The following PTPRT variants were observed in gnomAD, a reference collection of about 807,000 sequenced individuals.
PTPRT encodes the protein receptor-type tyrosine-protein phosphatase T.
Under a neutral mutation model 176.8 loss-of-function variants are expected in PTPRT, and 56 were observed. The observed-to-expected ratio is 0.32, with a 90% confidence interval of 0.26 to 0.40. The LOEUF (loss-of-function observed/expected upper bound fraction) is 0.40. Among genes scored for constraint, PTPRT ranks in the 10% least tolerant of loss-of-function variants. PTPRT has a pLI of 1.00. For synonymous variants in PTPRT, 783 were observed against 739.0 expected, an observed-to-expected ratio of 1.06 and a Z score of -0.96; for missense variants, 1,540 against 1,908.2, an observed-to-expected ratio of 0.81 and a Z score of 3.60.
intron 7 of PTPRT, among the ~76,000 whole-genome samples, chr20:42,658,592 C>T (rs921243286): frequency 6.6e-6 from 1 of 152,202 alleles, no homozygotes; most frequent in African/African-American, 2.4e-5. Flanking sequence ...CAAAAGTTTT[C>T]ACTGTTCCGT....
At chr20:43,012,422 A>C (rs1985175748) in intron 1 of PTPRT, among the ~76,000 whole-genome samples, 1 of 152,162 alleles carries the variant, frequency 6.6e-6, no homozygotes, top group Non-Finnish European at 1.5e-5. Flanking sequence ...CTAGAGGCTG[A>C]GGGGAGTGGG....
intron 2 of PTPRT, among the ~76,000 whole-genome samples, chr20:42,830,249 G>C (rs2078061699): frequency 6.6e-6 from 1 of 152,206 alleles, no homozygotes; most frequent in Non-Finnish European, 1.5e-5. Context: ...AATCTACCAT[G>C]ATCAAGTTGG....
chr20:42,157,389 A>G (rs1209740064), intron 17 of PTPRT, among the ~76,000 whole-genome samples: 1 of 149,016 alleles, frequency 6.7e-6, no homozygotes, highest in Non-Finnish European at 1.5e-5. Flanking sequence ...TCTGTCCCAC[A>G]GGCTGGAGTA....
chr20:42,468,408 C>CA (rs1487924402), intron 8 of PTPRT, among the ~76,000 whole-genome samples: 1 of 152,222 alleles, frequency 6.6e-6, no homozygotes, highest in Non-Finnish European at 1.5e-5. Context: ...TGGCATACAG[C>CA]AGGGTCCTAC....
chr20:42,977,461 G>A (rs571825815), intron 1 of PTPRT, among the ~76,000 whole-genome samples: 6 of 151,832 alleles, frequency 4.0e-5, no homozygotes, highest in African/African-American at 1.4e-4. Flanking sequence ...AATTTTAAAA[G>A]AAATACTTGT....
chr20:42,256,246 A>C (rs2056636671), intron 13 of PTPRT, among the ~76,000 whole-genome samples: 1 of 152,224 alleles, frequency 6.6e-6, no homozygotes, highest in South Asian at 2.1e-4. Context: ...TGCTGGAAAC[A>C]AATTCTCAGA....
At chr20:42,376,128 T>C (rs2058646621) in intron 9 of PTPRT, among the ~76,000 whole-genome samples, 1 of 152,134 alleles carries the variant, frequency 6.6e-6, no homozygotes, top group African/African-American at 2.4e-5. Context: ...GTGAGAAAAC[T>C]GTGATGAACG....
intron 9 of PTPRT, among the ~76,000 whole-genome samples, chr20:42,415,056 T>C (rs2059052803): frequency 6.6e-6 from 1 of 152,028 alleles, no homozygotes; most frequent in African/African-American, 2.4e-5. Flanking sequence ...AGTCCAGAAA[T>C]AGAACTGAAG....
intron 16 of PTPRT, among the ~76,000 whole-genome samples, chr20:42,191,313 G>A (rs1166070957): frequency 1.3e-5 from 2 of 152,150 alleles, no homozygotes; most frequent in African/African-American, 2.4e-5. Context: ...GCCCTAGCTG[G>A]AAGCCATGAT....
intron 17 of PTPRT, among the ~76,000 whole-genome samples, chr20:42,155,826 C>G (rs567647364): frequency 6.6e-6 from 1 of 152,144 alleles, no homozygotes; most frequent in Admixed American, 6.5e-5. Flanking sequence ...CTGTCCCAGC[C>G]GCCTACCTGC....
intron 1 of PTPRT, among the ~76,000 whole-genome samples, chr20:43,026,169 G>A (rs1454958115): frequency 6.6e-6 from 1 of 152,112 alleles, no homozygotes; most frequent in African/African-American, 2.4e-5. Flanking sequence ...CCAGGCTGGA[G>A]TGCAGTGGTG....
intron 13 of PTPRT, among the ~76,000 whole-genome samples, chr20:42,261,439 A>G (rs2056747361): frequency 6.7e-6 from 1 of 148,530 alleles, no homozygotes; most frequent in Admixed American, 6.6e-5. Flanking sequence ...TACTGGGGTT[A>G]TTACTTCAAC....
rs1199424822 is a variant in PTPRT, at chr20:42,805,831, T to C, written c.215-14365A>G. Among the ~76,000 whole-genome samples, 9 of 151,894 alleles carry C rather than the reference T, an allele frequency of 5.9e-5. No homozygotes were observed. In the South Asian group the frequency reaches 1.7e-3, roughly 28 times the overall value. ...AGATCACGTGCCCATATGCAATTTA[T>C]TGAGTCTCGACCTATTCCCTTCTAA... On this transcript the variant is annotated intron_variant, in intron 2 of 30. Coordinates refer to ENST00000373187, the MANE Select transcript of PTPRT (RefSeq NM_007050.6).
intron 18 of PTPRT, among the ~76,000 whole-genome samples, chr20:42,133,114 T>C (rs1375099146): frequency 6.6e-6 from 1 of 152,222 alleles, no homozygotes; most frequent in Non-Finnish European, 1.5e-5. Context: ...TTCCCTGACA[T>C]ATTCTACACT....
chr20:42,713,206 G>A (rs1321145599), intron 6 of PTPRT, among the ~76,000 whole-genome samples: 5 of 151,540 alleles, frequency 3.3e-5, no homozygotes, highest in African/African-American at 1.2e-4. Context: ...TAATCTCCAG[G>A]GAAGAGAAAT....
At chr20:42,746,334 G>A (rs2076690274) in intron 6 of PTPRT, among the ~76,000 whole-genome samples, 1 of 152,148 alleles carries the variant, frequency 6.6e-6, no homozygotes, top group Non-Finnish European at 1.5e-5. Flanking sequence ...AAAAGCTAAT[G>A]GTGACGTTAT....
At chr20:43,052,592 A>T (rs1987089555) in intron 1 of PTPRT, among the ~76,000 whole-genome samples, 1 of 152,264 alleles carries the variant, frequency 6.6e-6, no homozygotes, top group Non-Finnish European at 1.5e-5. Context: ...AACTTCATAT[A>T]GGATGAGGTC....
At chr20:42,327,246 T>A (rs2057897587) in intron 11 of PTPRT, among the ~76,000 whole-genome samples, 1 of 152,036 alleles carries the variant, frequency 6.6e-6, no homozygotes, top group Non-Finnish European at 1.5e-5. Context: ...ATTTAAGACC[T>A]CGCTACATAT....
At chr20:42,177,991 G>A (rs1329872670) in intron 16 of PTPRT, among the ~76,000 whole-genome samples, 1 of 151,564 alleles carries the variant, frequency 6.6e-6, no homozygotes, top group Non-Finnish European at 1.5e-5. Context: ...AGGCTAGAGT[G>A]CAGTGGCATG....
Sources: gnomAD v4.1 joint callset for allele counts (sites outside exome capture counted in the v4.1 genomes callset) on GRCh38, gnomAD v4.1.1 for gene constraint, MANE v1.5 for transcripts, NCBI Gene and HGNC (gene_info 2026-07-23, HGNC 2026-07-21) for gene names.